Variants in DPYS observed in about 807,000 individuals in gnomAD.
DPYS encodes the protein dihydropyrimidinase.
A neutral mutation model predicts 50.3 loss-of-function variants in DPYS; 39 were observed. That is an observed-to-expected ratio of 0.78 (90% CI 0.60 to 1.01). The LOEUF (loss-of-function observed/expected upper bound fraction) is 1.01, where lower values mean the gene tolerates loss of function less well. DPYS is among the 50% of genes least tolerant of loss of function. The pLI is 0.00. For missense variants in DPYS, 659 were observed against 680.9 expected (o/e 0.97, Z 0.36); for synonymous variants, 245 against 250.7 (o/e 0.98, Z 0.22).
At chr8:104,402,011 T>A (rs192235062) in intron 7 of DPYS, among the ~76,000 whole-genome samples, 3 of 152,314 alleles carry the variant, frequency 2.0e-5, no homozygotes, top group African/African-American at 7.2e-5. Context: ...GACAAAATAC[T>A]TAATGCAGGT....
Position 104,451,336 on chromosome 8 carries a change from A to C in DPYS, c.333T>G (p.Ile111Met), listed in dbSNP as rs1813730869. The change falls in exon 2 of 10, where the codon ATT (isoleucine) becomes ATG (methionine). Residue 111 changes from isoleucine (I) to methionine (M), a missense_variant. By Grantham distance (10) the Ile-to-Met change is conservative (BLOSUM62 1). Transcript: ENST00000351513. Reference protein sequence around the residue: ...FAIPQKGGSLIEAFETWRSWA... With the variant: ...FAIPQKGGSLMEAFETWRSWA... ...AGCTTCGCCAGGTCTCGAAGGCCTCAATGAGGGAGCCACCTTTCTGAGGAA... is the reference window on the plus strand; with the variant it reads ...AGCTTCGCCAGGTCTCGAAGGCCTCCATGAGGGAGCCACCTTTCTGAGGAA... 6.2e-7 allele frequency: 1 copy of C among 1,614,206 alleles called. No individual in the cohort carries two copies.
rs1814300164 is a variant in DPYS at position 104,464,819 on chromosome 8, T to C, written c.264+1838A>G. On this transcript the variant is annotated intron_variant, in intron 1 of 9. Transcript: ENST00000351513. ...TCCTATTATTTTTCCAATTGTTTCC[T>C]ACAATCACATATTGTTTTGATAGCT... Among the ~76,000 whole-genome samples the C allele has an allele frequency of 1.3e-5, 2 of 152,266 alleles. 1 individual carries two copies. Among genetic ancestry groups the C allele is most frequent in the Non-Finnish European group, 2.9e-5 (2 of 68,042 alleles).
At chr8:104,437,541 A>G (rs1289162767) in intron 4 of DPYS, among the ~76,000 whole-genome samples, 1 of 152,178 alleles carries the variant, frequency 6.6e-6, no homozygotes, top group African/African-American at 2.4e-5. Flanking sequence ...ATATGGCCTA[A>G]AAAAATGAGG....
At chr8:104,451,188 C>T (rs1055225602) in intron 2 of DPYS, 58 bp downstream of exon 2, 35 of 1,610,158 alleles carry the variant, frequency 2.2e-5, no homozygotes, top group Admixed American at 8.3e-5. Flanking sequence ...GTTTCTTGCT[C>T]TTGTGCAGAG....
chr8:104,453,022 C>T (rs1813805590), intron 1 of DPYS, among the ~76,000 whole-genome samples: 1 of 152,110 alleles, frequency 6.6e-6, no homozygotes, highest in Non-Finnish European at 1.5e-5. Flanking sequence ...GCCTCAGTCT[C>T]TCTTTCCGGC....
intron 1 of DPYS, among the ~76,000 whole-genome samples, chr8:104,459,604 ATTATT>A (rs892431102): frequency 6.6e-6 from 1 of 152,202 alleles, no homozygotes; most frequent in African/African-American, 2.4e-5. Flanking sequence ...TAGCATAAAT[ATTATT>A]TTGAGCTCCA....
intron 4 of DPYS, among the ~76,000 whole-genome samples, chr8:104,443,531 C>T (rs182772122): frequency 6.6e-6 from 1 of 152,306 alleles, no homozygotes; most frequent in African/African-American, 2.4e-5. Context: ...AGGTGCCTTG[C>T]ACTGCCCTGA....
intron 7 of DPYS, among the ~76,000 whole-genome samples, chr8:104,393,363 AC>A (rs1811464983): frequency 6.6e-6 from 1 of 152,138 alleles, no homozygotes; most frequent in Non-Finnish European, 1.5e-5. Context: ...GAACACACTG[AC>A]CCTATATCCA....
chr8:104,452,578 A>G (rs1477306076), intron 1 of DPYS, among the ~76,000 whole-genome samples: 1 of 152,240 alleles, frequency 6.6e-6, no homozygotes, highest in African/African-American at 2.4e-5. Flanking sequence ...CGCCTTGGCC[A>G]TGCCTGTAAT....
chr8:104,411,867 A>T (rs1211071098), intron 7 of DPYS: 1 of 152,190 alleles, frequency 6.6e-6, no homozygotes, highest in Non-Finnish European at 1.5e-5. Context: ...AGGCATAGTG[A>T]ACCAATGGAA....
chr8:104,455,245 C>T (rs1588460378), intron 1 of DPYS, among the ~76,000 whole-genome samples: 1 of 152,288 alleles, frequency 6.6e-6, no homozygotes, highest in East Asian at 1.9e-4. Flanking sequence ...GGCCCTAGAG[C>T]CTGAGCCTCT....
intron 6 of DPYS, among the ~76,000 whole-genome samples, chr8:104,426,330 T>A (rs1266973501): frequency 6.6e-6 from 1 of 152,122 alleles, no homozygotes; most frequent in African/African-American, 2.4e-5. Flanking sequence ...ATTGTAAAAA[T>A]AATAATAAAA....
chr8:104,446,649 C>T (rs989936208), intron 3 of DPYS, among the ~76,000 whole-genome samples: 6 of 152,174 alleles, frequency 3.9e-5, no homozygotes, highest in African/African-American at 1.4e-4. Context: ...ACAGCTCACG[C>T]TCCCTTCTCA....
At chr8:104,429,467 C>G in intron 5 of DPYS, 78 bp downstream of exon 5, 1 of 1,588,360 alleles carries the variant, frequency 6.3e-7, no homozygotes, top group Non-Finnish European at 8.6e-7. Flanking sequence ...AGTGGAGGAT[C>G]CAGATGGGAG....
At chr8:104,389,480 C>A (rs539609167) in intron 8 of DPYS, among the ~76,000 whole-genome samples, 4 of 152,120 alleles carry the variant, frequency 2.6e-5, no homozygotes, top group African/African-American at 9.6e-5. Flanking sequence ...TCCACACCAA[C>A]ATTTTTTGAA....
intron 7 of DPYS, among the ~76,000 whole-genome samples, chr8:104,410,991 G>T (rs1381724070): frequency 6.6e-6 from 1 of 152,164 alleles, no homozygotes. Context: ...AGTCTTCACA[G>T]ACGACCTCAA....
rs746935820 is a variant in DPYS, at chr8:104,396,741, T to C, written c.1236-3750A>G. 2.0e-4 allele frequency among the ~76,000 whole-genome samples: 31 copies of C among 151,970 alleles called. 1 individual carries two copies. The highest frequency in any genetic ancestry group is 2.5e-4 in the Non-Finnish European group (17 of 68,002). ...ATTCCAGGTATCTTCAGTGTTCTTG[T>C]TATACTGTTTCCTTGATGTAAGTTG... On this transcript the variant is annotated intron_variant, in intron 7 of 9. Transcript: ENST00000351513.
At chr8:104,451,017 A>G (rs1165333210) in intron 2 of DPYS, among the ~76,000 whole-genome samples, 3 of 152,248 alleles carry the variant, frequency 2.0e-5, no homozygotes, top group East Asian at 3.8e-4. Context: ...ATGAGCATAA[A>G]AGATTTATCC....
At chr8:104,415,581 CT>C (rs756491675) in intron 7 of DPYS, among the ~76,000 whole-genome samples, 11,376 of 140,684 alleles carry the variant, frequency 0.081, 440 homozygotes, top group Middle Eastern at 0.088. Context: ...ATAGCCCAGA[CT>C]TTTTTTTTTT....
Sources: allele counts gnomAD v4.1 joint callset (sites outside exome capture counted in the v4.1 genomes callset), GRCh38; gene constraint gnomAD v4.1.1; transcripts MANE v1.5; gene names NCBI Gene and HGNC (gene_info 2026-07-23, HGNC 2026-07-21).